Variants in MMP11 observed in about 807,000 individuals in gnomAD.
MMP11 encodes matrix metallopeptidase 11, also known as stromelysin-3.
Under a neutral mutation model 49.5 loss-of-function variants are expected in MMP11, and 26 were observed. That is an observed-to-expected ratio of 0.52 (90% CI 0.38 to 0.73). The LOEUF is 0.73. MMP11 is among the 30% of genes least tolerant of loss of function. MMP11 has a pLI of 0.00. For missense variants in MMP11, 624 were observed against 671.2 expected (o/e 0.93, Z 0.78); for synonymous variants, 265 against 282.3 (o/e 0.94, Z 0.62).
chr22:23,782,032 C>T, intron 6 of MMP11, 194 bp from the exon 7 acceptor site: 1 of 800,536 alleles, frequency 1.2e-6, no homozygotes, highest in African/African-American at 1.7e-5. Context: ...ACAGAGCATT[C>T]ACTGCCCCAG....
Position 23,783,555 on chromosome 22 carries a change from G to C in MMP11, c.*11G>C, listed in dbSNP as rs770048394. On this transcript the variant is annotated 3_prime_UTR_variant, in exon 8 of 8. Transcript: ENST00000215743. Reference sequence around the variant, plus strand: ...AACACTTTCCTCTGACCATGGCTTGGATGCCCTCAGGGGTGCTGACCCCTG... The same window carrying C: ...AACACTTTCCTCTGACCATGGCTTGCATGCCCTCAGGGGTGCTGACCCCTG... 2 of 1,614,098 alleles carry C rather than the reference G, an allele frequency of 1.2e-6. No individual in the cohort carries two copies. Among genetic ancestry groups the C allele is most frequent in the South Asian group, 2.2e-5 (2 of 91,078 alleles).
chr22:23,778,897 C>T (rs1927507585), intron 1 of MMP11, among the ~76,000 whole-genome samples: 1 of 152,100 alleles, frequency 6.6e-6, no homozygotes, highest in South Asian at 2.1e-4. Flanking sequence ...TCCCAGTGTG[C>T]CCCCACCCCC....
In MMP11 at chr22:23,776,932, C is replaced by T. The variant is rs558871465; in HGVS notation, c.109-2255C>T. 5.3e-5 allele frequency among the ~76,000 whole-genome samples: 8 copies of T among 151,726 alleles called. No homozygotes were observed. The South Asian group carries it at 1.0e-3, about 20-fold the overall frequency. ...ACGCCATTCTCCTGCCTCAGCCTCC[C>T]GAATAGCTGGGACTACAGGAGCCCG... On this transcript the variant is annotated intron_variant, in intron 1 of 7. Coordinates refer to ENST00000215743, the MANE Select transcript of MMP11 (RefSeq NM_005940.5).
At chr22:23,779,625 G>C in intron 2 of MMP11, 1 of 581,136 alleles carries the variant, frequency 1.7e-6, no homozygotes, top group South Asian at 2.3e-5. Flanking sequence ...CCCTCCCTCA[G>C]CAGAGGGGCA....
chr22:23,779,232 C>T lies in MMP11; in HGVS notation c.154C>T (p.His52Tyr), dbSNP rs772098180. The change falls in exon 2 of 8, where the codon CAT becomes TAT. Residue 52 changes from histidine (H) to tyrosine (Y), a missense_variant. His to Tyr is a moderately conservative substitution (Grantham distance 83). Transcript: ENST00000215743. Reference protein sequence around the residue: ...HAERRGPQPWHAALPSSPAPA... With the variant: ...HAERRGPQPWYAALPSSPAPA... ...CGAGAGGAGGGGGCCACAGCCCTGGCATGCAGCCCTGCCCAGTAGCCCGGC... is the reference window on the plus strand; with the variant it reads ...CGAGAGGAGGGGGCCACAGCCCTGGTATGCAGCCCTGCCCAGTAGCCCGGC... The T allele has an allele frequency of 8.7e-6, 14 of 1,608,332 alleles. No homozygotes were observed. The highest frequency in any genetic ancestry group is 1.0e-5 in the Non-Finnish European group (12 of 1,178,182).
At chr22:23,779,806 CA>C (rs1478509341) in intron 2 of MMP11, 2 of 293,784 alleles carry the variant, frequency 6.8e-6, no homozygotes, top group Non-Finnish European at 1.3e-5. Flanking sequence ...TCAGCCATGT[CA>C]TTGTCCAACT....
chr22:23,782,184 G>C, intron 6 of MMP11, 42 bp from the exon 7 acceptor site: 1 of 1,588,392 alleles, frequency 6.3e-7, no homozygotes, highest in Non-Finnish European at 8.6e-7. Context: ...GGGCATGGCA[G>C]TGGTGGCTGG....
At chr22:23,776,208 A>G (rs1909438661) in intron 1 of MMP11, among the ~76,000 whole-genome samples, 1 of 137,714 alleles carries the variant, frequency 7.3e-6, no homozygotes, top group African/African-American at 2.8e-5. Flanking sequence ...GGCAGAGGAG[A>G]GAAGAGATTT....
chr22:23,782,249 G>T lies in MMP11; in HGVS notation c.1099G>T (p.Gly367Cys), dbSNP rs1314618309. The change falls in exon 7 of 8, where the codon GGT becomes TGT. Residue 367 changes from glycine to cysteine, a missense_variant. Transcript: ENST00000215743. ...AGGTGCTCAGTACTGGGTGTACGAC[G>T]GTGAAAAGCCAGTCCTGGGCCCCGC... The part of the protein sequence containing the change: ...FQGAQYWVYD[G>C]EKPVLGPAPL... 6.2e-7 allele frequency: 1 copy of T among 1,613,286 alleles called. No homozygotes were observed. The highest frequency in any genetic ancestry group is 8.5e-7 in the Non-Finnish European group (1 of 1,179,998).
At position 23,783,546 on chromosome 22, in the gene MMP11, C is replaced by CA. The variant is rs773221245; in HGVS notation, c.*3dup. ...GAGCCTGCCAACACTTTCCTCTGAC[C>CA]ATGGCTTGGATGCCCTCAGGGGTGC... On this transcript the variant is annotated 3_prime_UTR_variant, in exon 8 of 8. Transcript: ENST00000215743. 7 of 1,614,182 alleles carry CA rather than the reference C, an allele frequency of 4.3e-6. No individual in the cohort carries two copies. The East Asian group carries it at 1.6e-4, about 36-fold the overall frequency.
intron 2 of MMP11, chr22:23,779,770 T>G: frequency 2.8e-6 from 1 of 355,784 alleles, no homozygotes; most frequent in Non-Finnish European, 5.2e-6. Context: ...CACAGCCCCA[T>G]CCTCTGTGTC....
In MMP11 at chr22:23,780,316, G is replaced by C; in HGVS notation, c.339-43G>C. The C allele has an allele frequency of 1.2e-6, 2 of 1,611,374 alleles. No homozygotes were observed. The highest frequency in any genetic ancestry group is 1.7e-6 in the Non-Finnish European group (2 of 1,179,700). ...ACTCCTGGTGCCTCAGCCATCGGGG[G>C]CTGTCCCTTCCCTGAGGCCCAGGCC... On this transcript the variant is annotated intron_variant, in intron 2 of 7. Transcript: ENST00000215743. The surrounding 1 kb of genome is among the most constrained non-coding windows in gnomAD (Gnocchi z 4.6).
At chr22:23,774,298 C>A (rs918613570) in intron 1 of MMP11, among the ~76,000 whole-genome samples, 2 of 152,172 alleles carry the variant, frequency 1.3e-5, no homozygotes, top group Non-Finnish European at 2.9e-5. Flanking sequence ...GTAGCTGCCA[C>A]TTTGACGCTT....
At chr22:23,778,029 G>A (rs992235272) in intron 1 of MMP11, among the ~76,000 whole-genome samples, 2 of 152,184 alleles carry the variant, frequency 1.3e-5, no homozygotes, top group Non-Finnish European at 2.9e-5. Context: ...GGTGAGGTGG[G>A]GCCTGAGTGG....
chr22:23,777,029 G>T (rs915941635), intron 1 of MMP11, among the ~76,000 whole-genome samples: 2 of 150,580 alleles, frequency 1.3e-5, no homozygotes, highest in Non-Finnish European at 3.0e-5. Context: ...GGATGGTCTC[G>T]ATCTCCTGAC....
In MMP11 at chr22:23,781,409, G is replaced by A; in HGVS notation, c.1075G>A (p.Gly359Ser). ...DAQGHIWFFQGAQYWVYDGEK... is the reference protein window; with the variant it reads ...DAQGHIWFFQSAQYWVYDGEK... ...CCAGGGCCACATTTGGTTCTTCCAA[G>A]GTGAGTGGGGGTTGGGGATCTGCTC... Residue 359 changes from glycine to serine, a missense_variant and splice_region_variant, in exon 6 of 8, where the codon GGT (glycine) becomes AGT (serine). Gly to Ser is a moderately conservative substitution (Grantham distance 56). Coordinates refer to ENST00000215743, the MANE Select transcript of MMP11 (RefSeq NM_005940.5). The A allele has an allele frequency of 6.3e-7, 1 of 1,593,380 alleles. No homozygotes were observed.
intron 1 of MMP11, 101 bp from the exon 2 acceptor site, chr22:23,779,086 G>A: frequency 1.1e-6 from 1 of 925,630 alleles, no homozygotes; most frequent in South Asian, 1.6e-5. Flanking sequence ...GCCACACAGT[G>A]GGCTGGGGTT....
chr22:23,782,392 C>G lies in MMP11; in HGVS notation c.1242C>G (p.Ser414Arg), dbSNP rs1442682722. ...RGRDYWRFHP[S>R]TRRVDSPVPR... The stretch of plus-strand genomic sequence containing the variant: ...GGGACTACTGGCGTTTCCACCCCAG[C>G]ACCCGGCGTGTAGACAGTCCCGTGC... The change falls in exon 7 of 8, where the codon AGC (serine) becomes AGG (arginine). Residue 414 changes from serine (S) to arginine (R), a missense_variant. Physicochemically the swap from Ser to Arg is moderately radical, Grantham distance 110. Coordinates refer to ENST00000215743, the MANE Select transcript of MMP11 (RefSeq NM_005940.5). The G allele has an allele frequency of 6.2e-7, 1 of 1,613,968 alleles. No individual in the cohort carries two copies. Among genetic ancestry groups the G allele is most frequent in the South Asian group, 1.1e-5 (1 of 91,086 alleles).
At position 23,783,415 on chromosome 22, in the gene MMP11, T is replaced by C. The variant is rs760779290; in HGVS notation, c.1338T>C (p.Tyr446=). 1.2e-6 allele frequency: 2 copies of C among 1,614,186 alleles called. No homozygotes were observed. Among genetic ancestry groups the C allele is most frequent in the Non-Finnish European group, 8.5e-7 (1 of 1,180,018 alleles). The part of the protein sequence containing the change: ...IDAAFQDADG[Y]AYFLRGRLYW... ...TTGACCACCTTCTCTTCTCAGGCTATGCCTACTTCCTGCGCGGCCGCCTCT... is the reference window on the plus strand; with the variant it reads ...TTGACCACCTTCTCTTCTCAGGCTACGCCTACTTCCTGCGCGGCCGCCTCT... Residue 446 remains tyrosine (Y), a synonymous_variant, in exon 8 of 8, where the codon TAT becomes TAC. Coordinates refer to ENST00000215743, the MANE Select transcript of MMP11 (RefSeq NM_005940.5).
Sources: gnomAD v4.1 joint callset for allele counts (sites outside exome capture counted in the v4.1 genomes callset) on GRCh38, gnomAD v4.1.1 for gene constraint, Gnocchi (gnomAD v3.1) non-coding constraint, MANE v1.5 for transcripts, NCBI Gene and HGNC (gene_info 2026-07-23, HGNC 2026-07-21) for gene names.